SPACA7: variants seen among roughly 807,000 people sequenced by gnomAD.
SPACA7 encodes the protein sperm acrosome-associated protein 7.
A neutral mutation model predicts 26.3 loss-of-function variants in SPACA7; 19 were observed. The observed-to-expected ratio is 0.72, with a 90% confidence interval of 0.50 to 1.06. The LOEUF is 1.06. Among genes scored for constraint, SPACA7 ranks in the 50% least tolerant of loss-of-function variants. The probability of loss-of-function intolerance (pLI) is 0.00; values close to 1 mark genes in which losing one functional copy is unlikely to be tolerated. For missense variants in SPACA7, 211 were observed against 229.9 expected, an observed-to-expected ratio of 0.92 and a Z score of 0.53; for synonymous variants, 84 against 84.5, an observed-to-expected ratio of 0.99 and a Z score of 0.04.
chr13:112,383,115 GAAAAGAAAAGAAAGAAAGAAAGAAA>G (rs1242119326), intron 1 of SPACA7, among the ~76,000 whole-genome samples: 2 of 7,956 alleles, frequency 2.5e-4, no homozygotes, highest in East Asian at 3.9e-3. Context: ...GAAAAGAAAA[GAAAAGAAAAGAAAGAAAGAAAGAAA>G]GAAAGAAAGA....
At chr13:112,419,821 G>T (rs190044333) in intron 5 of SPACA7, among the ~76,000 whole-genome samples, 2 of 152,344 alleles carry the variant, frequency 1.3e-5, no homozygotes, top group African/African-American at 4.8e-5. Flanking sequence ...GCCTAGCAGG[G>T]AGTAACCAGT....
chr13:112,422,978 A>T (rs1339551099), intron 5 of SPACA7, among the ~76,000 whole-genome samples: 1 of 152,242 alleles, frequency 6.6e-6, no homozygotes, highest in East Asian at 1.9e-4. Flanking sequence ...TTCAAGAACA[A>T]TGTTAACATT....
intron 4 of SPACA7, 122 bp from the exon 5 acceptor site, chr13:112,400,947 A>G: frequency 1.4e-6 from 1 of 717,250 alleles, no homozygotes; most frequent in Non-Finnish European, 2.3e-6. Flanking sequence ...ATATTTTCAA[A>G]TAAAACTTGA....
intron 1 of SPACA7, among the ~76,000 whole-genome samples, chr13:112,383,166 AAAG>A (rs1884289908): frequency 3.0e-5 from 4 of 132,230 alleles, no homozygotes; most frequent in African/African-American, 6.1e-5. Flanking sequence ...AGAAAGAAAG[AAAG>A]AAAGAAAGAA....
chr13:112,398,009 C>A (rs1291729807), intron 2 of SPACA7, 40 bp from the exon 3 acceptor site: 1 of 1,454,124 alleles, frequency 6.9e-7, no homozygotes, highest in South Asian at 1.1e-5. Flanking sequence ...GCCAGCCCTG[C>A]AGGGCCGACT....
At chr13:112,409,669 C>A (rs1389405587) in intron 5 of SPACA7, among the ~76,000 whole-genome samples, 2 of 152,152 alleles carry the variant, frequency 1.3e-5, no homozygotes, top group African/African-American at 4.8e-5. Flanking sequence ...CAATAAGATA[C>A]CATCTCACAC....
At chr13:112,384,724 A>G (rs1884418970) in intron 1 of SPACA7, among the ~76,000 whole-genome samples, 1 of 152,184 alleles carries the variant, frequency 6.6e-6, no homozygotes, top group African/African-American at 2.4e-5. Context: ...TAGCTTTCCA[A>G]ACAAGACCCA....
At chr13:112,395,742 T>A (rs1028809349) in intron 2 of SPACA7, among the ~76,000 whole-genome samples, 1 of 152,140 alleles carries the variant, frequency 6.6e-6, no homozygotes, top group African/African-American at 2.4e-5. Flanking sequence ...TGCGCTGGGA[T>A]TACAGGAGTG....
Position 112,379,581 on chromosome 13 carries a change from A to T in SPACA7, c.94+3102A>T, listed in dbSNP as rs530258490. On this transcript the variant is annotated intron_variant, in intron 1 of 6. Coordinates refer to ENST00000283550, the MANE Select transcript of SPACA7 (RefSeq NM_145248.5). ...GGACAGTGAAAATTTCTAGGAATTTAATACAATTTCTGAAACACTTATAAC... is the reference window on the plus strand; with the variant it reads ...GGACAGTGAAAATTTCTAGGAATTTTATACAATTTCTGAAACACTTATAAC... Among the ~76,000 whole-genome samples the T allele has an allele frequency of 2.6e-4, 40 of 152,372 alleles. No individual in the cohort carries two copies. In the South Asian group the frequency reaches 8.3e-3, roughly 32 times the overall value.
At chr13:112,427,506 T>C (rs913445023) in intron 5 of SPACA7, among the ~76,000 whole-genome samples, 2 of 152,248 alleles carry the variant, frequency 1.3e-5, no homozygotes, top group African/African-American at 4.8e-5. Context: ...CTGTGGTTTG[T>C]TGGGTTTTTA....
intron 5 of SPACA7, among the ~76,000 whole-genome samples, chr13:112,402,155 A>G (rs1212866865): frequency 1.3e-5 from 2 of 152,170 alleles, no homozygotes; most frequent in Non-Finnish European, 2.9e-5. Flanking sequence ...TACAATGTTG[A>G]GTGGATCTAT....
At chr13:112,399,773 T>A (rs1253187238) in intron 4 of SPACA7, among the ~76,000 whole-genome samples, 1 of 152,162 alleles carries the variant, frequency 6.6e-6, no homozygotes. Context: ...GGCTGAGTAA[T>A]TTATAAAGAA....
At chr13:112,428,680 T>C (rs892246939) in intron 5 of SPACA7, among the ~76,000 whole-genome samples, 1 of 152,256 alleles carries the variant, frequency 6.6e-6, no homozygotes, top group African/African-American at 2.4e-5. Flanking sequence ...TGATTTATAA[T>C]TTAATTTTAT....
At chr13:112,407,987 C>A (rs543106845) in intron 5 of SPACA7, among the ~76,000 whole-genome samples, 2 of 152,102 alleles carry the variant, frequency 1.3e-5, no homozygotes, top group East Asian at 1.9e-4. Context: ...ACTGGCAAAC[C>A]GAATCCAGCA....
At chr13:112,418,358 G>A (rs761083155) in intron 5 of SPACA7, among the ~76,000 whole-genome samples, 55 of 152,098 alleles carry the variant, frequency 3.6e-4, no homozygotes, top group Non-Finnish European at 6.8e-4. Context: ...TGAGGCCTAG[G>A]GAAGAAAAGT....
At chr13:112,382,736 C>A (rs542093603) in intron 1 of SPACA7, among the ~76,000 whole-genome samples, 6 of 152,014 alleles carry the variant, frequency 3.9e-5, no homozygotes, top group African/African-American at 1.4e-4. Flanking sequence ...ACCTGTAATC[C>A]CAGCACTTTT....
intron 5 of SPACA7, among the ~76,000 whole-genome samples, chr13:112,430,715 C>T (rs1877032650): frequency 6.6e-6 from 1 of 152,134 alleles, no homozygotes; most frequent in Admixed American, 6.5e-5. Context: ...AAGTATTACC[C>T]ACGGGTTTCA....
At chr13:112,434,387 T>C (rs1272614379) in intron 6 of SPACA7, 98 bp from the exon 7 acceptor site, 4 of 1,006,982 alleles carry the variant, frequency 4.0e-6, no homozygotes, top group Admixed American at 2.0e-5. Flanking sequence ...ACTGAGGGCT[T>C]GGTTCCTCCT....
Position 112,420,521 on chromosome 13 carries a change from G to C in SPACA7, c.446-11923G>C, listed in dbSNP as rs144880490. 9.8e-3 allele frequency among the ~76,000 whole-genome samples: 1,045 copies of C among 107,036 alleles called. 21 individuals carry two copies. The highest frequency in any genetic ancestry group is 5.5e-3 in the Non-Finnish European group (293 of 53,258). 70.2% of individuals were successfully genotyped at this position (107,036 alleles called of 152,430 possible). On this transcript the variant is annotated intron_variant, in intron 5 of 6. Coordinates refer to ENST00000283550, the MANE Select transcript of SPACA7 (RefSeq NM_145248.5). ...AAATAGGTCAATAGAAATAAAAACT[G>C]AAACATAAAGGGAAAAAAAAGAATG...
Sources: allele counts gnomAD v4.1 joint callset (sites outside exome capture counted in the v4.1 genomes callset), GRCh38; gene constraint gnomAD v4.1.1; transcripts MANE v1.5; gene names NCBI Gene and HGNC (gene_info 2026-07-23, HGNC 2026-07-21).